The following POLD1 variants were observed in gnomAD, a reference collection of about 807,000 sequenced individuals.
POLD1 encodes the protein DNA polymerase delta catalytic subunit.
In POLD1, 79 loss-of-function variants were observed where a neutral mutation model predicts 129.7. The ratio of observed to expected loss-of-function variants is 0.61; its 90% CI spans 0.51 to 0.73. The LOEUF is 0.73. Ranked by LOEUF, POLD1 falls within the 30% of genes least tolerant of loss-of-function variation. POLD1 has a pLI of 0.00. For synonymous variants in POLD1, 714 were observed against 683.3 expected (o/e 1.04, Z -0.70); for missense variants, 1,338 against 1,595.8 (o/e 0.84, Z 2.75).
In POLD1 at chr19:50,414,871, C is replaced by T; in HGVS notation, c.2445C>T (p.Ser815=). The T allele has an allele frequency of 6.2e-7, 1 of 1,607,178 alleles. No individual in the cohort carries two copies. Among genetic ancestry groups the T allele is most frequent in the Non-Finnish European group, 8.5e-7 (1 of 1,175,592 alleles). The change falls in exon 20 of 27, where the codon TCC becomes TCT. Residue 815 remains serine (S), a synonymous_variant. Coordinates refer to ENST00000440232, the MANE Select transcript of POLD1 (RefSeq NM_002691.4). ...AGCGCTACGCGGGCCTGCTCTTCTC[C>T]TCCCGGCCCGACGCCCACGACCGCA... The part of the protein sequence containing the change: ...SKKRYAGLLF[S]SRPDAHDRMD...
chr19:50,413,270 T>G (rs1048027125), intron 17 of POLD1, among the ~76,000 whole-genome samples, 156 bp from the exon 18 acceptor site: 1 of 152,206 alleles, frequency 6.6e-6, no homozygotes, highest in East Asian at 1.9e-4. Flanking sequence ...AGTCCCATTT[T>G]GCAGATTTGG....
At chr19:50,399,523 G>A (rs368575687) in intron 3 of POLD1, 39 bp downstream of exon 3, 59 of 1,455,502 alleles carry the variant, frequency 4.1e-5, no homozygotes, top group South Asian at 2.2e-4. Flanking sequence ...GGGGCCCTGC[G>A]CTCCTGGGGC....
In POLD1 at chr19:50,416,739, C is replaced by T; in HGVS notation, c.3067+16C>T. 2 of 1,500,542 alleles carry T rather than the reference C, an allele frequency of 1.3e-6. No homozygotes were observed. Among genetic ancestry groups the T allele is most frequent in the Middle Eastern group, 2.3e-4 (1 of 4,334 alleles). 93.0% of individuals were successfully genotyped at this position (1,500,542 alleles called of 1,614,324 possible). ...AGCCACCAGGGTGAGCGGCCCTGGCCACTGGGCCCCCACTGGCCCTCAACC... is the reference window on the plus strand; with the variant it reads ...AGCCACCAGGGTGAGCGGCCCTGGCTACTGGGCCCCCACTGGCCCTCAACC... On this transcript the variant is annotated intron_variant, in intron 24 of 26. Coordinates refer to ENST00000440232, the MANE Select transcript of POLD1 (RefSeq NM_002691.4).
Position 50,406,323 on chromosome 19 carries a change from G to T in POLD1, c.1383+1G>T. 6.2e-7 allele frequency: 1 copy of T among 1,613,856 alleles called. No individual in the cohort carries two copies. The highest frequency in any genetic ancestry group is 8.5e-7 in the Non-Finnish European group (1 of 1,179,904). ...CCGCGTGCAGATGGACATGCTGCAG[G>T]TATGGGCGGGAGGTGGGGTGTGTCC... On this transcript the variant is annotated splice_donor_variant, in intron 11 of 26. Coordinates refer to ENST00000440232, the MANE Select transcript of POLD1 (RefSeq NM_002691.4). LOFTEE classifies it high-confidence loss of function. This position sits in a 1 kb window ranked among gnomAD's most constrained non-coding sequence, Gnocchi z 5.5.
In POLD1 at chr19:50,406,918, C is replaced by A; in HGVS notation, c.1495-65C>A. The stretch of plus-strand genomic sequence containing the variant: ...GGCTACCTCACCCTGACCCCCACTT[C>A]CTTCTCCTGCTCCACCTCCCACCCC... On this transcript the variant is annotated intron_variant, in intron 12 of 26. Transcript: ENST00000440232. This position sits in a 1 kb window ranked among gnomAD's most constrained non-coding sequence, Gnocchi z 5.5. The A allele has an allele frequency of 7.4e-7, 1 of 1,342,662 alleles. No individual in the cohort carries two copies. Among genetic ancestry groups the A allele is most frequent in the Middle Eastern group, 2.7e-4 (1 of 3,728 alleles). The allele number at this position is 1,342,662 out of a possible 1,614,324, so 83.2% of individuals were successfully genotyped here. A position where few individuals can be genotyped will look rare whatever the true frequency, so the allele number is the denominator to read the frequency against.
In POLD1 at chr19:50,416,591, C is replaced by A. The variant is rs1469439009; in HGVS notation, c.2954-19C>A. 6.4e-7 allele frequency: 1 copy of A among 1,550,586 alleles called. No individual in the cohort carries two copies. The highest frequency in any genetic ancestry group is 8.7e-7 in the Non-Finnish European group (1 of 1,150,574). On this transcript the variant is annotated intron_variant, in intron 23 of 26. Transcript: ENST00000440232. ...GGCAGAGGAGATCACCGGCCCACCA[C>A]CTGCCTCCTCTCCTGCAGGGGGGGA... is the stretch of plus-strand genomic sequence containing the variant.
chr19:50,403,676 C>A (rs1033064886), intron 10 of POLD1, 79 bp downstream of exon 10: 33 of 895,214 alleles, frequency 3.7e-5, no homozygotes, highest in South Asian at 1.1e-4. Flanking sequence ...TTCCCACTCC[C>A]TCTCCACATG....
chr19:50,392,967 T>C (rs1601173176), intron 1 of POLD1, among the ~76,000 whole-genome samples: 1 of 152,390 alleles, frequency 6.6e-6, no homozygotes, highest in East Asian at 1.9e-4. Context: ...AGTATTCCAT[T>C]GAACGGACTT....
chr19:50,406,404 T>C lies in POLD1; in HGVS notation c.1384-3T>C. Reference sequence around the variant, plus strand: ...CAGCCCACCAGCCCACCCACCCACCTAGGTGCTGCTGCGGGAGTACAAGCT... The same window carrying C: ...CAGCCCACCAGCCCACCCACCCACCCAGGTGCTGCTGCGGGAGTACAAGCT... On this transcript the variant is annotated splice_polypyrimidine_tract_variant and splice_region_variant and intron_variant, in intron 11 of 26. Transcript: ENST00000440232. The surrounding 1 kb of genome is among the most constrained non-coding windows in gnomAD (Gnocchi z 5.5). The C allele has an allele frequency of 1.9e-6, 3 of 1,565,852 alleles. No homozygotes were observed. Among genetic ancestry groups the C allele is most frequent in the South Asian group, 2.2e-5 (2 of 89,536 alleles).
In POLD1 at chr19:50,398,839, C is replaced by A; in HGVS notation, c.-1-12C>A. On this transcript the variant is annotated splice_polypyrimidine_tract_variant and intron_variant, in intron 1 of 26. Coordinates refer to ENST00000440232, the MANE Select transcript of POLD1 (RefSeq NM_002691.4). The stretch of plus-strand genomic sequence containing the variant: ...GGTCAGAACCTCCACCAAGCTCCAA[C>A]TTGCCCAGCAGGATGGATGGCAAGC... The A allele has an allele frequency of 6.2e-7, 1 of 1,607,486 alleles. No homozygotes were observed. The highest frequency in any genetic ancestry group is 8.5e-7 in the Non-Finnish European group (1 of 1,178,486).
intron 3 of POLD1, among the ~76,000 whole-genome samples, chr19:50,400,131 AGATTTTTTTTTTT>A (rs2038527874): frequency 1.1e-5 from 1 of 89,910 alleles, no homozygotes; most frequent in African/African-American, 4.6e-5. Context: ...ACTTTTTAAA[AGATTTTTTTTTTT>A]TTTTTTTTTT....
chr19:50,384,737 G>C, intron 1 of POLD1, among the ~76,000 whole-genome samples: 1 of 152,248 alleles, frequency 6.6e-6, no homozygotes, highest in Admixed American at 6.5e-5. Flanking sequence ...CACTTTTCTG[G>C]AAGCAGGAAC....
intron 3 of POLD1, 73 bp downstream of exon 3, chr19:50,399,557 T>G (rs1451788475): frequency 4.4e-6 from 5 of 1,136,668 alleles, no homozygotes; most frequent in Non-Finnish European, 6.6e-6. Context: ...GGTCAGCCCC[T>G]CTGGCCCTGT....
At position 50,406,300 on chromosome 19, in the gene POLD1, G is replaced by C. The variant is rs1004124075; in HGVS notation, c.1361G>C (p.Arg454Pro). The change falls in exon 11 of 27, where the codon CGC becomes CCC. Residue 454 changes from arginine to proline, a missense_variant. Arg to Pro is a moderately radical substitution (Grantham distance 103). Coordinates refer to ENST00000440232, the MANE Select transcript of POLD1 (RefSeq NM_002691.4). This position sits in a 1 kb window ranked among gnomAD's most constrained non-coding sequence, Gnocchi z 5.5. ...ACCAAGGTTGTCAGCATGGTGGGCC[G>C]CGTGCAGATGGACATGCTGCAGGTA... The part of the protein sequence containing the change: ...RDTKVVSMVG[R>P]VQMDMLQVLL... 1 of 1,613,840 alleles carries C rather than the reference G, an allele frequency of 6.2e-7. No homozygotes were observed. The highest frequency in any genetic ancestry group is 1.3e-5 in the African/African-American group (1 of 74,878).
At chr19:50,395,164 ACTT>A (rs1345645035) in intron 1 of POLD1, 1 of 149,680 alleles carries the variant, frequency 6.7e-6, no homozygotes, top group African/African-American at 2.5e-5. Context: ...CTTTTTAAAA[ACTT>A]CTTTCTCTGA....
intron 1 of POLD1, among the ~76,000 whole-genome samples, chr19:50,392,761 G>A (rs2038216875): frequency 6.6e-6 from 1 of 152,272 alleles, no homozygotes; most frequent in African/African-American, 2.4e-5. Context: ...ACAGGCGTGA[G>A]CCACTGCACC....
At chr19:50,414,662 C>T (rs1033316914) in intron 19 of POLD1, among the ~76,000 whole-genome samples, 153 bp from the exon 20 acceptor site, 1 of 152,230 alleles carries the variant, frequency 6.6e-6, no homozygotes, top group Non-Finnish European at 1.5e-5. Flanking sequence ...TCCAGCCATA[C>T]AGTGTCTCGG....
chr19:50,386,907 G>A (rs2037989821), intron 1 of POLD1, among the ~76,000 whole-genome samples: 1 of 152,144 alleles, frequency 6.6e-6, no homozygotes, highest in African/African-American at 2.4e-5. Flanking sequence ...AAATACAAAA[G>A]CTAGGCCGGG....
At chr19:50,414,509 CCT>C (rs1313898521) in intron 19 of POLD1, among the ~76,000 whole-genome samples, 1 of 152,250 alleles carries the variant, frequency 6.6e-6, no homozygotes, top group Non-Finnish European at 1.5e-5. Context: ...CGTAGTTTCT[CCT>C]CTCTTTCATG....
Sources: gnomAD v4.1 joint callset for allele counts (sites outside exome capture counted in the v4.1 genomes callset) on GRCh38, gnomAD v4.1.1 for gene constraint, Gnocchi (gnomAD v3.1) non-coding constraint, MANE v1.5 for transcripts, NCBI Gene and HGNC (gene_info 2026-07-23, HGNC 2026-07-21) for gene names.